USP53: variants seen among roughly 807,000 people sequenced by gnomAD.
USP53 encodes the protein ubiquitin carboxyl-terminal hydrolase 53.
USP53 carries 71 observed loss-of-function variants against 94.9 expected under a neutral mutation model. The observed-to-expected ratio is 0.75, with a 90% CI of 0.62 to 0.91. USP53 has a LOEUF of 0.91. Among genes scored for constraint, USP53 ranks in the 40% least tolerant of loss-of-function variants. USP53 has a pLI of 0.00. For synonymous variants in USP53, 375 were observed against 422.7 expected (o/e 0.89, Z 1.39); for missense variants, 1,173 against 1,281.0 (o/e 0.92, Z 1.29).
At chr4:119,270,892 G>A (rs919247296) in intron 15 of USP53, among the ~76,000 whole-genome samples, 3 of 151,694 alleles carry the variant, frequency 2.0e-5, no homozygotes, top group African/African-American at 7.2e-5. Flanking sequence ...TTGAAAGACT[G>A]AACTAGTCTG....
chr4:119,221,800 C>G (rs1744569849), intron 3 of USP53, among the ~76,000 whole-genome samples: 1 of 152,144 alleles, frequency 6.6e-6, no homozygotes, highest in Admixed American at 6.5e-5. Flanking sequence ...ACAAGGGATC[C>G]TGGGAAATGC....
chr4:119,292,283 A>C (rs146353533), intron 18 of USP53, 55 bp from the exon 19 acceptor site: 1 of 1,457,822 alleles, frequency 6.9e-7, no homozygotes, highest in East Asian at 2.4e-5. Context: ...ATTTTCCCCT[A>C]GTTTCATATA....
rs756719987 is a variant in USP53, at chr4:119,273,616, G to A, written c.2175-16G>A. ...CCATAATACCTGATGTGTTTAGTGT[G>A]TATTTTATTTTCTAGTGACCAGATT... is the stretch of plus-strand genomic sequence containing the variant. On this transcript the variant is annotated splice_polypyrimidine_tract_variant and intron_variant, in intron 16 of 18. Coordinates refer to ENST00000692078, the MANE Select transcript of USP53 (RefSeq NM_001371395.1). 5.0e-6 allele frequency: 8 copies of A among 1,605,398 alleles called. No individual in the cohort carries two copies. In the Middle Eastern group the frequency reaches 8.3e-4, roughly 166 times the overall value.
At chr4:119,242,327 T>G (rs925500949) in intron 5 of USP53, among the ~76,000 whole-genome samples, 2 of 152,184 alleles carry the variant, frequency 1.3e-5, no homozygotes, top group Non-Finnish European at 1.5e-5. Flanking sequence ...GGAAGCAGTT[T>G]GATCATTTTA....
chr4:119,288,893 G>A lies in USP53; in HGVS notation c.2252-2272G>A, dbSNP rs142855493. On this transcript the variant is annotated intron_variant, in intron 17 of 18. Coordinates refer to ENST00000692078, the MANE Select transcript of USP53 (RefSeq NM_001371395.1). ...GCGGAGGTTGCAGTGAGCCGAGATC[G>A]TGCCATTGCACTACAGCCTGGGCAA... Among the ~76,000 whole-genome samples, 400 of 147,536 alleles carry A rather than the reference G, an allele frequency of 2.7e-3. 1 individual carries two copies. Among genetic ancestry groups the A allele is most frequent in the African/African-American group, 9.6e-3 (384 of 39,820 alleles).
At chr4:119,247,895 CTTATT>C (rs1283358662) in intron 6 of USP53, among the ~76,000 whole-genome samples, 2 of 151,650 alleles carry the variant, frequency 1.3e-5, no homozygotes, top group African/African-American at 2.4e-5. Context: ...TTTTTTATTT[CTTATT>C]TTATTTATAA....
At chr4:119,240,376 T>C (rs982284909) in intron 5 of USP53, among the ~76,000 whole-genome samples, 2 of 152,192 alleles carry the variant, frequency 1.3e-5, no homozygotes, top group Admixed American at 6.5e-5. Flanking sequence ...TCATTTGGGC[T>C]CCACTGTTTT....
chr4:119,291,618 A>G (rs1416169106), intron 18 of USP53, among the ~76,000 whole-genome samples: 1 of 152,194 alleles, frequency 6.6e-6, no homozygotes, highest in Non-Finnish European at 1.5e-5. Context: ...TTCTAATTCA[A>G]TTCCACATAA....
intron 7 of USP53, among the ~76,000 whole-genome samples, chr4:119,255,590 G>C (rs1007543434): frequency 6.6e-6 from 1 of 152,196 alleles, no homozygotes; most frequent in African/African-American, 2.4e-5. Context: ...CTGCTGGTTG[G>C]TAAGACCGTG....
Position 119,273,676 on chromosome 4 carries a change from G to A in USP53, c.2219G>A (p.Cys740Tyr). ...TSNLNKERGD[C>Y]TSLQSQHHLE... The stretch of plus-strand genomic sequence containing the variant: ...AACCTAAATAAAGAACGTGGGGACT[G>A]TACCTCCCTTCAGAGCCAACATCAC... The change falls in exon 17 of 19, where the codon TGT becomes TAT. Residue 740 changes from cysteine to tyrosine, a missense_variant. By Grantham distance (194) the Cys-to-Tyr change is radical (BLOSUM62 -2). Transcript: ENST00000692078. The A allele has an allele frequency of 6.2e-7, 1 of 1,612,494 alleles. No homozygotes were observed. The highest frequency in any genetic ancestry group is 8.5e-7 in the Non-Finnish European group (1 of 1,179,094).
chr4:119,256,390 G>A (rs761653471), intron 8 of USP53, 31 bp downstream of exon 8: 2 of 1,612,978 alleles, frequency 1.2e-6, no homozygotes, highest in Non-Finnish European at 1.7e-6. Flanking sequence ...TTTAGATATT[G>A]TAGTTCTGTT....
Position 119,271,281 on chromosome 4 carries a change from A to T in USP53, c.1436-15A>T. ...GAGGAGTAATTCATGTGTATCTTTA[A>T]TTTTTTTTTTTAAGATTTGGTTGAT... is the stretch of plus-strand genomic sequence containing the variant. On this transcript the variant is annotated splice_polypyrimidine_tract_variant and intron_variant, in intron 15 of 18. Transcript: ENST00000692078. The T allele has an allele frequency of 1.5e-6, 2 of 1,314,302 alleles. No homozygotes were observed. Among genetic ancestry groups the T allele is most frequent in the Non-Finnish European group, 2.0e-6 (2 of 983,948 alleles). 81.4% of individuals were successfully genotyped at this position (1,314,302 alleles called of 1,614,324 possible).
chr4:119,235,032 T>C (rs959480380), intron 3 of USP53, among the ~76,000 whole-genome samples: 1 of 152,192 alleles, frequency 6.6e-6, no homozygotes, highest in African/African-American at 2.4e-5. Flanking sequence ...GTTATCCCCA[T>C]CTTAAAAGTG....
In USP53 at chr4:119,227,900, G is replaced by A. The variant is rs184125682; in HGVS notation, c.-664-7390G>A. Among the ~76,000 whole-genome samples, 117 of 152,268 alleles carry A rather than the reference G, an allele frequency of 7.7e-4. 3 individuals are homozygous for A. In the South Asian group the frequency reaches 0.024, roughly 31 times the overall value. On this transcript the variant is annotated intron_variant, in intron 3 of 18. Coordinates refer to ENST00000692078, the MANE Select transcript of USP53 (RefSeq NM_001371395.1). ...AGAATATTACTCAGTAATAAGGAATGTACAACTTCTGATTTGTGCAGCAAT... is the reference window on the plus strand; with the variant it reads ...AGAATATTACTCAGTAATAAGGAATATACAACTTCTGATTTGTGCAGCAAT...
chr4:119,259,297 G>GA (rs1196508488), intron 9 of USP53, among the ~76,000 whole-genome samples: 1 of 147,778 alleles, frequency 6.8e-6, no homozygotes, highest in African/African-American at 2.6e-5. Flanking sequence ...AAAAAAAAAG[G>GA]GGGGGGAGTA....
intron 17 of USP53, among the ~76,000 whole-genome samples, chr4:119,285,785 T>C (rs982510944): frequency 6.6e-5 from 10 of 151,898 alleles, no homozygotes; most frequent in Non-Finnish European, 8.9e-5. Flanking sequence ...TTTTTTTCTA[T>C]GCATTTTAAA....
In USP53 at chr4:119,292,309, CTAGCTTTGTTT is replaced by C; in HGVS notation, c.2349-27_2349-17del. On this transcript the variant is annotated intron_variant, in intron 18 of 18. Transcript: ENST00000692078. The stretch of plus-strand genomic sequence containing the variant: ...GTTTCATATATTTGCATAGGGTGTT[CTAGCTTTGTTT>C]TTATTTTCATATTTCAGATCACATG... 1 of 1,534,190 alleles carries C rather than the reference CTAGCTTTGTTT, an allele frequency of 6.5e-7. No individual in the cohort carries two copies. The highest frequency in any genetic ancestry group is 1.3e-5 in the South Asian group (1 of 75,714).
intron 3 of USP53, among the ~76,000 whole-genome samples, chr4:119,233,709 T>C (rs1034972085): frequency 3.9e-5 from 6 of 152,204 alleles, no homozygotes. Context: ...GTTTTAAATT[T>C]GTGGTCTCTT....
chr4:119,278,145 G>A (rs1219565450), intron 17 of USP53, among the ~76,000 whole-genome samples: 1 of 149,260 alleles, frequency 6.7e-6, no homozygotes, highest in African/African-American at 2.5e-5. Context: ...CTGTCATTAT[G>A]ATGTTAGCTG....
Sources: gnomAD v4.1 joint callset for allele counts (sites outside exome capture counted in the v4.1 genomes callset) on GRCh38, gnomAD v4.1.1 for gene constraint, MANE v1.5 for transcripts, NCBI Gene and HGNC (gene_info 2026-07-23, HGNC 2026-07-21) for gene names.